TAF12: variants seen among roughly 807,000 people sequenced by gnomAD.
TAF12 encodes transcription initiation factor TFIID subunit 12.
A neutral mutation model predicts 20.8 loss-of-function variants in TAF12; 3 were observed. The ratio of observed to expected loss-of-function variants is 0.14; its 90% confidence interval spans 0.07 to 0.37. TAF12 has a LOEUF of 0.37. Ranked by LOEUF, TAF12 falls within the 10% of genes least tolerant of loss-of-function variation. The pLI is 1.00. For synonymous variants in TAF12, 69 were observed against 70.2 expected (o/e 0.98, Z 0.09); for missense variants, 131 against 197.9 (o/e 0.66, Z 2.03).
chr1:28,644,386 C>T (rs1668132654), upstream of TAF12, among the ~76,000 whole-genome samples: 1 of 152,228 alleles, frequency 6.6e-6, no homozygotes, highest in Admixed American at 6.5e-5. Context: ...TATTCCTAGC[C>T]TTATTTCCTT....
At chr1:28,620,905 CAT>C (rs1246288928) in intron 2 of TAF12, among the ~76,000 whole-genome samples, 2 of 152,182 alleles carry the variant, frequency 1.3e-5, no homozygotes, top group African/African-American at 2.4e-5. Context: ...GCCTTCACTA[CAT>C]GTCTTGATTT....
intron 1 of TAF12, among the ~76,000 whole-genome samples, chr1:28,637,243 C>G (rs1174213876): frequency 6.6e-6 from 1 of 151,984 alleles, no homozygotes; most frequent in African/African-American, 2.4e-5. Context: ...TTCTTTTTTT[C>G]TTTTTCTCTT....
chr1:28,634,430 A>AC (rs1667748287), intron 1 of TAF12, among the ~76,000 whole-genome samples: 1 of 151,376 alleles, frequency 6.6e-6, no homozygotes. Context: ...AAAAAAAAAA[A>AC]AAAAAACCCC....
chr1:28,614,021 C>T (rs4252989), intron 3 of TAF12, among the ~76,000 whole-genome samples: 33,871 of 151,544 alleles, frequency 0.22, 3,855 homozygotes, highest in African/African-American at 0.28. Context: ...AGGTGAATCA[C>T]GAGGTCAAGA....
At chr1:28,610,778 G>T (rs977188895) in intron 4 of TAF12, among the ~76,000 whole-genome samples, 2 of 151,850 alleles carry the variant, frequency 1.3e-5, no homozygotes, top group Non-Finnish European at 2.9e-5. Flanking sequence ...TGGCCAATAT[G>T]GTGAAACCCC....
At position 28,619,798 on chromosome 1, in the gene TAF12, A is replaced by G. The variant is rs1667152677; in HGVS notation, c.169-1768T>C. 2.0e-5 allele frequency among the ~76,000 whole-genome samples: 3 copies of G among 151,816 alleles called. No homozygotes were observed. The South Asian group carries it at 6.2e-4, about 32-fold the overall frequency. On this transcript the variant is annotated intron_variant, in intron 2 of 5. Transcript: ENST00000373824. ...AAACCCTGTCTCTACTGAAAATACA[A>G]AAATTAGCTGGGCATGGTGTGGGTG...
At chr1:28,618,716 T>C (rs1667117851) in intron 2 of TAF12, among the ~76,000 whole-genome samples, 1 of 151,952 alleles carries the variant, frequency 6.6e-6, no homozygotes, top group African/African-American at 2.4e-5. Flanking sequence ...TCCTAGCCCA[T>C]CCCAGTAAAG....
intron 1 of TAF12, among the ~76,000 whole-genome samples, chr1:28,639,426 C>CAGAAAAAAAAAAAAA (rs1667959999): frequency 1.1e-5 from 1 of 89,538 alleles, no homozygotes; most frequent in Non-Finnish European, 2.2e-5. Flanking sequence ...CTCCGTCTCA[C>CAGAAAAAAAAAAAAA]AAAAAAAAAA....
intron 1 of TAF12, among the ~76,000 whole-genome samples, chr1:28,638,554 C>T (rs1313922428): frequency 4.1e-5 from 6 of 148,140 alleles, no homozygotes; most frequent in Non-Finnish European, 8.9e-5. Flanking sequence ...GGCGCAATAT[C>T]GGCTCACTGC....
At chr1:28,614,707 C>A (rs1459020155) in intron 3 of TAF12, among the ~76,000 whole-genome samples, 1 of 150,524 alleles carries the variant, frequency 6.6e-6, no homozygotes, top group African/African-American at 2.4e-5. Flanking sequence ...GCAGAGGAAC[C>A]AGGATGCCAC....
chr1:28,642,765 G>T, intron 1 of TAF12: 3 of 985,290 alleles, frequency 3.0e-6, no homozygotes, highest in Non-Finnish European at 3.6e-6. Flanking sequence ...AGATGCCGGA[G>T]AACTCGCATC....
intron 4 of TAF12, among the ~76,000 whole-genome samples, chr1:28,612,539 T>A (rs919943503): frequency 1.4e-5 from 2 of 145,902 alleles, no homozygotes; most frequent in Non-Finnish European, 3.0e-5. Flanking sequence ...AAATTATATA[T>A]AAATATATAT....
chr1:28,648,068 A>G (rs1004750131), upstream of TAF12: 1 of 620,664 alleles, frequency 1.6e-6, no homozygotes, highest in Non-Finnish European at 2.0e-6. Flanking sequence ...CAATCAGCTT[A>G]TGCGTGACCT....
intron 1 of TAF12, among the ~76,000 whole-genome samples, chr1:28,638,395 G>A (rs866289734): frequency 2.0e-5 from 3 of 151,746 alleles, no homozygotes; most frequent in African/African-American, 4.8e-5. Flanking sequence ...CTCCATGTTG[G>A]TCAGGCTGGT....
upstream of TAF12, chr1:28,643,550 G>GT (rs1668110900): frequency 6.6e-6 from 1 of 152,214 alleles, no homozygotes; most frequent in South Asian, 2.1e-4. Flanking sequence ...CAATTCAGTA[G>GT]TAACAATTGA....
upstream of TAF12, among the ~76,000 whole-genome samples, chr1:28,645,620 C>T (rs1474061372): frequency 6.6e-6 from 1 of 151,124 alleles, no homozygotes; most frequent in Non-Finnish European, 1.5e-5. Flanking sequence ...TGCACTCCAG[C>T]CTGCGTGACG....
rs570264397 is a variant in TAF12 at position 28,614,085 on chromosome 1, A to G, written c.247-724T>C. Among the ~76,000 whole-genome samples, 4 of 151,454 alleles carry G rather than the reference A, an allele frequency of 2.6e-5. No homozygotes were observed. In the South Asian group the frequency reaches 8.4e-4, roughly 32 times the overall value. ...AAACCCTGTCTCTACTAAAAATACA[A>G]AAATTAGCTGGGCGTGGTGGCACGT... On this transcript the variant is annotated intron_variant, in intron 3 of 5. Transcript: ENST00000373824.
intron 3 of TAF12, among the ~76,000 whole-genome samples, chr1:28,614,825 C>T (rs1328587256): frequency 1.3e-5 from 2 of 152,154 alleles, no homozygotes; most frequent in Admixed American, 1.3e-4. Context: ...ATCTACGAGG[C>T]CAGGAGCAGT....
intron 1 of TAF12, among the ~76,000 whole-genome samples, chr1:28,625,287 C>T (rs1395217085): frequency 1.3e-5 from 2 of 152,026 alleles, no homozygotes; most frequent in East Asian, 3.9e-4. Context: ...ACCTATAATC[C>T]CAGCTACTCA....
Sources: allele counts gnomAD v4.1 joint callset (sites outside exome capture counted in the v4.1 genomes callset), GRCh38; gene constraint gnomAD v4.1.1; transcripts MANE v1.5; gene names NCBI Gene and HGNC (gene_info 2026-07-23, HGNC 2026-07-21).